WDR89: variants seen among roughly 807,000 people sequenced by gnomAD.
WDR89 encodes WD repeat domain 89, also known as WD repeat-containing protein 89.
A neutral mutation model predicts 29.1 loss-of-function variants in WDR89; 17 were observed. The ratio of observed to expected loss-of-function variants is 0.58; its 90% CI spans 0.40 to 0.88. WDR89 has a LOEUF of 0.88. Ranked by LOEUF, WDR89 falls within the 40% of genes least tolerant of loss-of-function variation. The probability of loss-of-function intolerance (pLI) is 0.00; values close to 1 mark genes in which losing one functional copy is unlikely to be tolerated. For missense variants in WDR89, 396 were observed against 456.3 expected (o/e 0.87, Z 1.20); for synonymous variants, 138 against 157.8 (o/e 0.87, Z 0.94).
chr14:63,597,315 G>A lies in WDR89; in HGVS notation c.*1464C>T, dbSNP rs1445092646. The stretch of plus-strand genomic sequence containing the variant: ...CTCTCCCTAGACACATGGGGATTAT[G>A]GGGATTACAATTCGAGATGAAATTT... On this transcript the variant is annotated 3_prime_UTR_variant, in exon 3 of 3. Transcript: ENST00000620954. 1 of 152,188 alleles carries A rather than the reference G, an allele frequency of 6.6e-6. No homozygotes were observed. The highest frequency in any genetic ancestry group is 2.4e-5 in the African/African-American group (1 of 41,448). 9.4% of individuals were successfully genotyped at this position (152,188 alleles called of 1,614,324 possible). A position where few individuals can be genotyped will look rare whatever the true frequency, so the allele number is the denominator to read the frequency against.
intron 1 of WDR89, among the ~76,000 whole-genome samples, chr14:63,632,123 C>CA (rs1247522368): frequency 2.1e-5 from 3 of 146,026 alleles, no homozygotes; most frequent in African/African-American, 7.6e-5. Context: ...AAAAAACAAA[C>CA]AAACAAAAAA....
At chr14:63,602,698 G>A (rs1375581657) in intron 2 of WDR89, among the ~76,000 whole-genome samples, 1 of 151,430 alleles carries the variant, frequency 6.6e-6, no homozygotes, top group Non-Finnish European at 1.5e-5. Flanking sequence ...CTTGAACCCA[G>A]GAGGAGGAGG....
intron 2 of WDR89, among the ~76,000 whole-genome samples, chr14:63,607,582 G>A (rs553414486): frequency 2.0e-5 from 3 of 152,194 alleles, no homozygotes; most frequent in South Asian, 2.1e-4. Flanking sequence ...TTTACTGAAG[G>A]GCAATTAAGA....
At chr14:63,626,445 C>T (rs994626766) in intron 1 of WDR89, among the ~76,000 whole-genome samples, 7 of 150,076 alleles carry the variant, frequency 4.7e-5, no homozygotes. Flanking sequence ...CCAAGGTGGG[C>T]AGAACACGAT....
intron 2 of WDR89, chr14:63,601,424 A>C: frequency 2.4e-6 from 2 of 846,942 alleles, no homozygotes. Context: ...GGACAAGTTC[A>C]AGGCCAGAAA....
At chr14:63,627,146 A>ACTCTCT (rs1226820529) in intron 1 of WDR89, among the ~76,000 whole-genome samples, 60 of 130,558 alleles carry the variant, frequency 4.6e-4, no homozygotes, top group South Asian at 1.7e-3. Flanking sequence ...ACACACACAC[A>ACTCTCT]CACACTCTCT....
intron 2 of WDR89, among the ~76,000 whole-genome samples, chr14:63,605,283 A>G (rs1010504289): frequency 1.4e-4 from 21 of 151,480 alleles, no homozygotes; most frequent in African/African-American, 4.4e-4. Context: ...GGTCCCTGCA[A>G]ATTCATGGCA....
At chr14:63,624,511 T>TA (rs34839242) in intron 2 of WDR89, among the ~76,000 whole-genome samples, 78 of 136,810 alleles carry the variant, frequency 5.7e-4, no homozygotes, top group Non-Finnish European at 8.5e-4. Flanking sequence ...AAGAAATATT[T>TA]AAAAAAAAAA....
At chr14:63,608,574 T>C (rs1881742255) in intron 2 of WDR89, among the ~76,000 whole-genome samples, 1 of 152,140 alleles carries the variant, frequency 6.6e-6, no homozygotes, top group Non-Finnish European at 1.5e-5. Context: ...TAGTTTCTTA[T>C]AAATATTAAT....
chr14:63,633,325 C>G (rs1439019767), intron 1 of WDR89, among the ~76,000 whole-genome samples: 1 of 151,594 alleles, frequency 6.6e-6, no homozygotes, highest in East Asian at 1.9e-4. Context: ...AAAATGCTAC[C>G]CTAATTCATC....
intron 2 of WDR89, chr14:63,618,137 A>G (rs937344537): frequency 1.3e-5 from 2 of 152,118 alleles, no homozygotes; most frequent in Admixed American, 6.6e-5. Context: ...GAAACATTCC[A>G]TATTTTTAGA....
chr14:63,621,071 TTTTA>T (rs1431209927), intron 2 of WDR89, among the ~76,000 whole-genome samples: 1 of 152,028 alleles, frequency 6.6e-6, no homozygotes, highest in Non-Finnish European at 1.5e-5. Context: ...TATATACAAC[TTTTA>T]TTTGTTAATT....
intron 2 of WDR89, among the ~76,000 whole-genome samples, chr14:63,615,708 T>C (rs925362544): frequency 2.0e-5 from 3 of 152,132 alleles, no homozygotes; most frequent in Non-Finnish European, 4.4e-5. Flanking sequence ...AGGCAGATCA[T>C]GAGGACAGGA....
intron 2 of WDR89, among the ~76,000 whole-genome samples, chr14:63,613,477 A>G (rs1882116509): frequency 6.6e-6 from 1 of 151,298 alleles, no homozygotes; most frequent in Non-Finnish European, 1.5e-5. Context: ...TTTTTTGTGT[A>G]TTCCAGCTCT....
At chr14:63,607,670 T>C (rs1881660945) in intron 2 of WDR89, among the ~76,000 whole-genome samples, 1 of 146,912 alleles carries the variant, frequency 6.8e-6, no homozygotes, top group African/African-American at 2.5e-5. Context: ...TCACCTGAGG[T>C]CAGGAGTTCG....
At position 63,600,306 on chromosome 14, in the gene WDR89, C is replaced by G. The variant is rs189980886; in HGVS notation, c.-31-333G>C. ...GCCAGGCATTAGAGACCAGCCTGAG[C>G]AACATGGGGAGACCCCCCCGCCGTC... On this transcript the variant is annotated intron_variant, in intron 2 of 2. Coordinates refer to ENST00000620954, the MANE Select transcript of WDR89 (RefSeq NM_080666.4). Among the ~76,000 whole-genome samples the G allele has an allele frequency of 4.2e-3, 639 of 152,104 alleles. 5 individuals carry two copies. Among genetic ancestry groups the G allele is most frequent in the African/African-American group, 0.015 (607 of 41,484 alleles).
At chr14:63,635,524 C>T (rs942546292) in intron 1 of WDR89, among the ~76,000 whole-genome samples, 5 of 152,272 alleles carry the variant, frequency 3.3e-5, no homozygotes, top group African/African-American at 1.2e-4. Context: ...CAACATAATA[C>T]TGAATGGGGA....
intron 1 of WDR89, among the ~76,000 whole-genome samples, chr14:63,633,010 G>T (rs1883508093): frequency 6.6e-6 from 1 of 152,058 alleles, no homozygotes; most frequent in Admixed American, 6.6e-5. Flanking sequence ...CTAACTATAT[G>T]TTTCAGTTTC....
intron 1 of WDR89, among the ~76,000 whole-genome samples, chr14:63,627,425 T>A (rs563481044): frequency 7.2e-5 from 11 of 152,274 alleles, no homozygotes; most frequent in African/African-American, 1.7e-4. Flanking sequence ...TAAGTAGCTT[T>A]TATAAAAAAA....
Sources: gnomAD v4.1 joint callset for allele counts (sites outside exome capture counted in the v4.1 genomes callset) on GRCh38, gnomAD v4.1.1 for gene constraint, MANE v1.5 for transcripts, NCBI Gene and HGNC (gene_info 2026-07-23, HGNC 2026-07-21) for gene names.